Variants in PCDH19 observed in about 807,000 individuals in gnomAD.
The protein encoded by PCDH19 is protocadherin 19.
In PCDH19, 6 loss-of-function variants were observed where a neutral mutation model predicts 46.2. The ratio of observed to expected loss-of-function variants is 0.13; its 90% confidence interval spans 0.07 to 0.26. PCDH19 has a LOEUF of 0.26. Among genes scored for constraint, PCDH19 ranks in the 10% least tolerant of loss-of-function variants. PCDH19 has a pLI of 1.00. For synonymous variants in PCDH19, 481 were observed against 415.7 expected, an observed-to-expected ratio of 1.16 and a Z score of -1.91; for missense variants, 740 against 972.3, an observed-to-expected ratio of 0.76 and a Z score of 3.18.
intron 5 of PCDH19, among the ~76,000 whole-genome samples, chrX:100,305,850 T>A (rs1924930518): frequency 8.9e-6 from 1 of 111,783 alleles, no homozygotes; most frequent in Non-Finnish European, 1.9e-5. Context: ...AAAGGACTAG[T>A]CCAATAGGAA....
rs903647405 is a variant in PCDH19, at chrX:100,396,940, G to T, written c.2616+5584C>A. ...TTCAGGGTTACTTTTGACCCTTAGG[G>T]ATAGGACTTAAATGATTCCAAGACC... On this transcript the variant is annotated intron_variant, in intron 3 of 5. Transcript: ENST00000373034. Among the ~76,000 whole-genome samples, 43 of 112,185 alleles carry T rather than the reference G, an allele frequency of 3.8e-4. No individual in the cohort carries two copies. In the Admixed American group the frequency reaches 4.0e-3, roughly 10 times the overall value.
At chrX:100,398,147 A>G (rs940264007) in intron 3 of PCDH19, among the ~76,000 whole-genome samples, 3 of 111,929 alleles carry the variant, frequency 2.7e-5, no homozygotes, top group African/African-American at 9.8e-5. Context: ...GACATCAATA[A>G]TTCTACAAAA....
chrX:100,315,829 C>T (rs1370071495), intron 5 of PCDH19, among the ~76,000 whole-genome samples: 1 of 112,143 alleles, frequency 8.9e-6, no homozygotes, highest in Non-Finnish European at 1.9e-5. Context: ...TGCTACAATG[C>T]ACATGCTACA....
chrX:100,407,821 G>A lies in PCDH19; in HGVS notation c.777C>T (p.Arg259=), dbSNP rs759965785. 2 of 1,212,331 alleles carry A rather than the reference G, an allele frequency of 1.6e-6. No homozygotes were observed. The highest frequency in any genetic ancestry group is 3.5e-5 in the South Asian group (2 of 57,043). The change falls in exon 1 of 6, where the codon CGC becomes CGT. Residue 259 remains arginine, a synonymous_variant. Transcript: ENST00000373034. Reference sequence around the variant, plus strand: ...CCTCGTCTGGATCGCTGGCGTTGAGGCGGATGACGGGTGTGTTGGGAGGCG... The same window carrying A: ...CCTCGTCTGGATCGCTGGCGTTGAGACGGATGACGGGTGTGTTGGGAGGCG... The part of the protein sequence containing the change: ...ENSPPNTPVI[R]LNASDPDEGT...
chrX:100,350,792 TGGGTC>T, intron 3 of PCDH19, 88 bp from the exon 4 acceptor site: 2 of 629,218 alleles, frequency 3.2e-6, no homozygotes, highest in Non-Finnish European at 5.2e-6. Flanking sequence ...ATTTTTCTTC[TGGGTC>T]AAGAAGCAGT....
intron 3 of PCDH19, among the ~76,000 whole-genome samples, chrX:100,363,619 A>T (rs1002528370): frequency 1.2e-5 from 1 of 84,558 alleles, no homozygotes; most frequent in African/African-American, 5.2e-5. Context: ...GAAGTTTTAT[A>T]TATATATATA....
intron 3 of PCDH19, among the ~76,000 whole-genome samples, chrX:100,358,415 C>T (rs749198440): frequency 6.6e-4 from 74 of 112,273 alleles, no homozygotes; most frequent in Non-Finnish European, 1.1e-3. Flanking sequence ...AGCCTCTCAT[C>T]GTCATTCCTA....
At chrX:100,375,799 G>T (rs1230519870) in intron 3 of PCDH19, among the ~76,000 whole-genome samples, 1 of 112,165 alleles carries the variant, frequency 8.9e-6, no homozygotes, top group African/African-American at 3.2e-5. Context: ...TTCAATTGAG[G>T]ATCAACATGC....
chrX:100,318,276 T>C (rs1925371242), intron 5 of PCDH19, among the ~76,000 whole-genome samples: 1 of 112,351 alleles, frequency 8.9e-6, no homozygotes, highest in Admixed American at 9.4e-5. Context: ...TCAGGACTAA[T>C]AGCACTGACC....
chrX:100,333,935 AT>A (rs1335322784), intron 5 of PCDH19, among the ~76,000 whole-genome samples: 1 of 109,251 alleles, frequency 9.2e-6, no homozygotes. Context: ...ACTTACAGGC[AT>A]GTGCCACCAT....
At chrX:100,312,752 T>C (rs897526963) in intron 5 of PCDH19, among the ~76,000 whole-genome samples, 1 of 111,477 alleles carries the variant, frequency 9.0e-6, no homozygotes, top group Admixed American at 9.5e-5. Flanking sequence ...CCAACTCTTC[T>C]TTAATAGAGA....
At chrX:100,403,101 G>C (rs1258481226) in intron 2 of PCDH19, among the ~76,000 whole-genome samples, 1 of 111,064 alleles carries the variant, frequency 9.0e-6, no homozygotes, top group Non-Finnish European at 1.9e-5. Context: ...TTTGGATTTG[G>C]AATTTTTCAT....
intron 3 of PCDH19, among the ~76,000 whole-genome samples, chrX:100,385,182 A>T (rs1331816451): frequency 1.9e-5 from 2 of 107,534 alleles, no homozygotes; most frequent in Non-Finnish European, 3.8e-5. Flanking sequence ...AAAAAAAATT[A>T]TACTCCCACC....
rs926051435 is a variant in PCDH19, at chrX:100,382,105, A to G, written c.2616+20419T>C. On this transcript the variant is annotated intron_variant, in intron 3 of 5. Coordinates refer to ENST00000373034, the MANE Select transcript of PCDH19 (RefSeq NM_001184880.2). ...TAAAAAAAAAAAAAGAAATAGACAC[A>G]ACCACCTACCTATTATTTTCTTGGC... Among the ~76,000 whole-genome samples, 8 of 110,959 alleles carry G rather than the reference A, an allele frequency of 7.2e-5. No individual in the cohort carries two copies. In the East Asian group the frequency reaches 2.3e-3, roughly 31 times the overall value.
Position 100,322,865 on chromosome X carries a change from A to ATATATATATATATTTTTTT in PCDH19, c.2848+19037_2848+19038insAAAAAAATATATATATATA. ...TATATATATATATATATATATATAT[A>ATATATATATATATTTTTTT]TTTTTGCAGCTATTGTAAAAGGGGT... is the stretch of plus-strand genomic sequence containing the variant. On this transcript the variant is annotated intron_variant, in intron 5 of 5. Transcript: ENST00000373034. 5.0e-4 allele frequency among the ~76,000 whole-genome samples: 27 copies of ATATATATATATATTTTTTT among 54,394 alleles called. 1 individual carries two copies. Among genetic ancestry groups the ATATATATATATATTTTTTT allele is most frequent in the African/African-American group, 6.7e-4 (8 of 11,903 alleles). The allele number at this position is 54,394 out of a possible 115,157, so 47.2% of individuals were successfully genotyped here. A position where few individuals can be genotyped will look rare whatever the true frequency, so the allele number is the denominator to read the frequency against.
chrX:100,366,572 C>T (rs181569010), intron 3 of PCDH19, among the ~76,000 whole-genome samples: 7 of 112,117 alleles, frequency 6.2e-5, no homozygotes, highest in African/African-American at 1.6e-4. Context: ...GGTGAGCATT[C>T]GGATAGAGCT....
At chrX:100,361,532 A>T (rs1298783753) in intron 3 of PCDH19, among the ~76,000 whole-genome samples, 1 of 112,323 alleles carries the variant, frequency 8.9e-6, no homozygotes, top group African/African-American at 3.2e-5. Flanking sequence ...GTAATGGAGC[A>T]GATGCTTCCT....
At chrX:100,321,257 C>T (rs914791542) in intron 5 of PCDH19, among the ~76,000 whole-genome samples, 28 of 111,525 alleles carry the variant, frequency 2.5e-4, no homozygotes, top group African/African-American at 8.5e-4. Context: ...TTTCGTATGA[C>T]GACTTCTTTT....
intron 5 of PCDH19, among the ~76,000 whole-genome samples, chrX:100,334,254 T>C (rs1342794894): frequency 7.2e-5 from 8 of 111,682 alleles, no homozygotes; most frequent in Non-Finnish European, 1.5e-4. Context: ...AACAATGTAT[T>C]GTATATTTCA....
Sources: gnomAD v4.1 joint callset for allele counts (sites outside exome capture counted in the v4.1 genomes callset) on GRCh38, gnomAD v4.1.1 for gene constraint, MANE v1.5 for transcripts, NCBI Gene and HGNC (gene_info 2026-07-23, HGNC 2026-07-21) for gene names.